ENPP4: variants seen among roughly 807,000 people sequenced by gnomAD.
ENPP4 encodes the protein bis(5'-adenosyl)-triphosphatase ENPP4.
A neutral mutation model predicts 33.4 loss-of-function variants in ENPP4; 18 were observed. That is an observed-to-expected ratio of 0.54 (90% CI 0.37 to 0.80). The LOEUF is 0.80. ENPP4 is among the 30% of genes least tolerant of loss of function. The pLI is 0.00. For synonymous variants in ENPP4, 172 were observed against 189.9 expected, an observed-to-expected ratio of 0.91 and a Z score of 0.78; for missense variants, 480 against 541.7, an observed-to-expected ratio of 0.89 and a Z score of 1.13.
chr6:46,141,227 GTATT>G lies in ENPP4; in HGVS notation c.997+8_997+11del, dbSNP rs753016739. On this transcript the variant is annotated splice_donor_region_variant and intron_variant, in intron 3 of 3. Coordinates refer to ENST00000321037, the MANE Select transcript of ENPP4 (RefSeq NM_014936.5). ...TAAATGAATCATCACAAAAATGTAAGTATTTAGTTGAGATATTTCTGTTGTATCC... is the reference window on the plus strand; with the variant it reads ...TAAATGAATCATCACAAAAATGTAAGTAGTTGAGATATTTCTGTTGTATCC... The G allele has an allele frequency of 7.1e-5, 113 of 1,601,380 alleles. No individual in the cohort carries two copies. Among genetic ancestry groups the G allele is most frequent in the Non-Finnish European group, 8.3e-5 (97 of 1,170,716 alleles).
chr6:46,139,805 C>T lies in ENPP4; in HGVS notation c.222C>T (p.His74=). ...TTATCACAAAAACATTTCCAAACCA[C>T]TACAGTATTGTGACAGGCTTGTATG... ...NVFITKTFPN[H]YSIVTGLYEE... Residue 74 remains histidine (H), a synonymous_variant, in exon 2 of 4, where the codon CAC becomes CAT. Coordinates refer to ENST00000321037, the MANE Select transcript of ENPP4 (RefSeq NM_014936.5). The T allele has an allele frequency of 6.2e-7, 1 of 1,612,354 alleles. No homozygotes were observed. Among genetic ancestry groups the T allele is most frequent in the Non-Finnish European group, 8.5e-7 (1 of 1,178,884 alleles).
rs1374571343 is a variant in ENPP4 at position 46,140,464 on chromosome 6, G to A, written c.826+55G>A. ...TTATTCGAATGGGGCAATTGATTGAGGGGGGTGGGTTGTATAAAAGAATGA... is the reference window on the plus strand; with the variant it reads ...TTATTCGAATGGGGCAATTGATTGAAGGGGGTGGGTTGTATAAAAGAATGA... On this transcript the variant is annotated intron_variant, in intron 2 of 3. Transcript: ENST00000321037. The A allele has an allele frequency of 5.8e-6, 6 of 1,035,980 alleles. No individual in the cohort carries two copies. In the East Asian group the frequency reaches 7.3e-5, roughly 13 times the overall value. 64.2% of individuals were successfully genotyped at this position (1,035,980 alleles called of 1,614,324 possible). A position where few individuals can be genotyped will look rare whatever the true frequency, so the allele number is the denominator to read the frequency against.
chr6:46,138,506 T>G (rs955633427), intron 1 of ENPP4, among the ~76,000 whole-genome samples: 2 of 151,816 alleles, frequency 1.3e-5, no homozygotes, highest in African/African-American at 4.8e-5. Flanking sequence ...TTTCAGACAT[T>G]CTTTCTGTTC....
In ENPP4 at chr6:46,141,225, A is replaced by C. The variant is rs763347182; in HGVS notation, c.997+3A>C. The C allele has an allele frequency of 1.2e-6, 2 of 1,603,610 alleles. No homozygotes were observed. Among genetic ancestry groups the C allele is most frequent in the Admixed American group, 1.7e-5 (1 of 59,390 alleles). On this transcript the variant is annotated splice_donor_region_variant and intron_variant, in intron 3 of 3. Coordinates refer to ENST00000321037, the MANE Select transcript of ENPP4 (RefSeq NM_014936.5). ...GCTAAATGAATCATCACAAAAATGT[A>C]AGTATTTAGTTGAGATATTTCTGTT...
intron 1 of ENPP4, among the ~76,000 whole-genome samples, chr6:46,130,435 G>T (rs561442858): frequency 3.3e-5 from 5 of 152,332 alleles, no homozygotes; most frequent in South Asian, 2.1e-4. Context: ...GCTGGGGAAG[G>T]CAACCTGTGG....
At chr6:46,133,892 T>C (rs745434530) in intron 1 of ENPP4, among the ~76,000 whole-genome samples, 43 of 152,178 alleles carry the variant, frequency 2.8e-4, no homozygotes, top group Non-Finnish European at 5.1e-4. Context: ...GTTCTGTTAA[T>C]AGTTTGGAGA....
rs770954842 is a variant in ENPP4, at chr6:46,139,718, A to T, written c.135A>T (p.Glu45Asp). 37 of 1,611,584 alleles carry T rather than the reference A, an allele frequency of 2.3e-5. No homozygotes were observed. In the Middle Eastern group the frequency reaches 6.6e-4, roughly 29 times the overall value. The change falls in exon 2 of 4, where the codon GAA (glutamate) becomes GAT (aspartate). Residue 45 changes from glutamate (E) to aspartate (D), a missense_variant. By Grantham distance (45) the Glu-to-Asp change is conservative. Coordinates refer to ENST00000321037, the MANE Select transcript of ENPP4 (RefSeq NM_014936.5). Reference protein sequence around the residue: ...GFRADYLKNYEFPHLQNFIKE... With the variant: ...GFRADYLKNYDFPHLQNFIKE... The stretch of plus-strand genomic sequence containing the variant: ...GAGCTGATTATCTGAAGAACTATGA[A>T]TTTCCTCATCTCCAGAATTTTATCA...
Position 46,140,003 on chromosome 6 carries a change from T to C in ENPP4, c.420T>C (p.Asp140=), listed in dbSNP as rs1413216962. 6.2e-7 allele frequency: 1 copy of C among 1,612,776 alleles called. No individual in the cohort carries two copies. Among genetic ancestry groups the C allele is most frequent in the South Asian group, 1.1e-5 (1 of 91,060 alleles). ...SSAAAMWPGT[D]VPIHDTISSY... ...CTGCTGCTATGTGGCCTGGTACTGA[T>C]GTACCCATTCACGATACCATCTCTT... Residue 140 remains aspartate, a synonymous_variant, in exon 2 of 4, where the codon GAT becomes GAC. Coordinates refer to ENST00000321037, the MANE Select transcript of ENPP4 (RefSeq NM_014936.5).
intron 1 of ENPP4, among the ~76,000 whole-genome samples, chr6:46,134,201 A>T (rs768420429): frequency 3.3e-5 from 5 of 152,110 alleles, no homozygotes; most frequent in African/African-American, 4.8e-5. Context: ...TTGAGGGCCT[A>T]TTCTGTAACC....
Position 46,140,050 on chromosome 6 carries a change from C to T in ENPP4, c.467C>T (p.Ser156Phe). Residue 156 changes from serine (S) to phenylalanine (F), a missense_variant, in exon 2 of 4, where the codon TCC becomes TTC. This residue lies in a region of ENPP4 where 227 missense variants were observed against 273.7 expected (regional missense o/e 0.83). Coordinates refer to ENST00000321037, the MANE Select transcript of ENPP4 (RefSeq NM_014936.5). ...TCTTCCTATTTTATGAATTACAACT[C>T]CTCAGTGTCATTTGAGGAAAGACTA... ...TISSYFMNYN[S>F]SVSFEERLNN... The T allele has an allele frequency of 1.2e-6, 2 of 1,612,560 alleles. No individual in the cohort carries two copies. Among genetic ancestry groups the T allele is most frequent in the Non-Finnish European group, 1.7e-6 (2 of 1,178,972 alleles).
intron 1 of ENPP4, among the ~76,000 whole-genome samples, chr6:46,136,251 T>G (rs1175566798): frequency 6.6e-6 from 1 of 152,046 alleles, no homozygotes; most frequent in Non-Finnish European, 1.5e-5. Flanking sequence ...GTTTTGATTA[T>G]TATATATTTG....
At position 46,144,145 on chromosome 6, in the gene ENPP4, TC is replaced by T. The variant is rs1366697892; in HGVS notation, c.*506del. ...TAATTAGTTTGTATCTCAAGTACCCTCTTGAGGTAGGAAATGCTCTGTGATG... is the reference window on the plus strand; with the variant it reads ...TAATTAGTTTGTATCTCAAGTACCCTTTGAGGTAGGAAATGCTCTGTGATG... On this transcript the variant is annotated 3_prime_UTR_variant, in exon 4 of 4. Transcript: ENST00000321037. 1.3e-5 allele frequency: 2 copies of T among 152,140 alleles called. No individual in the cohort carries two copies. Among genetic ancestry groups the T allele is most frequent in the African/African-American group, 4.8e-5 (2 of 41,436 alleles). 9.4% of individuals were successfully genotyped at this position (152,140 alleles called of 1,614,324 possible).
rs1764141764 is a variant in ENPP4, at chr6:46,146,523, A to G, written c.*2883A>G. 2 of 152,382 alleles carry G rather than the reference A, an allele frequency of 1.3e-5. No individual in the cohort carries two copies. Among genetic ancestry groups the G allele is most frequent in the Non-Finnish European group, 2.9e-5 (2 of 67,874 alleles). 9.4% of individuals were successfully genotyped at this position (152,382 alleles called of 1,614,324 possible). On this transcript the variant is annotated 3_prime_UTR_variant, in exon 4 of 4. Transcript: ENST00000321037. The stretch of plus-strand genomic sequence containing the variant: ...AATTCTTAAAATAGTGTGTAAATAA[A>G]ATAACATCAGTGTGCTTTAAAGAAA...
At chr6:46,130,853 A>G (rs1763884351) in intron 1 of ENPP4, among the ~76,000 whole-genome samples, 1 of 152,220 alleles carries the variant, frequency 6.6e-6, no homozygotes, top group Non-Finnish European at 1.5e-5. Flanking sequence ...TTGTACAACT[A>G]GTGACAGGCA....
intron 1 of ENPP4, among the ~76,000 whole-genome samples, chr6:46,131,073 TC>T (rs1472758307): frequency 2.0e-5 from 3 of 152,154 alleles, no homozygotes; most frequent in Admixed American, 6.5e-5. Context: ...TTGTGCGTCT[TC>T]CCCCCACCTC....
At position 46,143,300 on chromosome 6, in the gene ENPP4, C is replaced by T; in HGVS notation, c.1022C>T (p.Ser341Phe). ...QKLGDHGYDN[S>F]LPSMHPFLAA... is the part of the protein sequence containing the mutation. ...GTAGGTGACCATGGTTATGATAATT[C>T]TTTGCCTAGTATGCATCCATTTCTA... is the stretch of plus-strand genomic sequence containing the variant. The change falls in exon 4 of 4, where the codon TCT (serine) becomes TTT (phenylalanine). Residue 341 changes from serine to phenylalanine, a missense_variant. Ser to Phe is a radical substitution (Grantham distance 155). Around this residue, in one of 3 missense-constraint regions of ENPP4, gnomAD observed 249 missense variants for 251.8 expected, o/e 0.99. Coordinates refer to ENST00000321037, the MANE Select transcript of ENPP4 (RefSeq NM_014936.5). 1 of 1,589,306 alleles carries T rather than the reference C, an allele frequency of 6.3e-7. No individual in the cohort carries two copies. Among genetic ancestry groups the T allele is most frequent in the Non-Finnish European group, 8.6e-7 (1 of 1,163,168 alleles).
chr6:46,132,175 A>T (rs2127491592), intron 1 of ENPP4, among the ~76,000 whole-genome samples: 1 of 151,982 alleles, frequency 6.6e-6, no homozygotes, highest in South Asian at 2.1e-4. Context: ...CCCATTTGTC[A>T]ATTTTGGCTT....
intron 3 of ENPP4, 72 bp downstream of exon 3, chr6:46,141,294 G>C (rs1764059668): frequency 2.7e-6 from 3 of 1,117,678 alleles, no homozygotes; most frequent in Non-Finnish European, 3.9e-6. Context: ...GTTGTGTTAA[G>C]AGGGTACTTC....
intron 3 of ENPP4, among the ~76,000 whole-genome samples, chr6:46,141,490 A>G (rs1764062144): frequency 1.3e-5 from 2 of 151,690 alleles, no homozygotes. Context: ...TTCAAGATTC[A>G]TTCTCTTGAT....
Sources: allele counts gnomAD v4.1 joint callset (sites outside exome capture counted in the v4.1 genomes callset), GRCh38; gene constraint gnomAD v4.1.1; regional missense constraint gnomAD v4.1.1; transcripts MANE v1.5; gene names NCBI Gene and HGNC (gene_info 2026-07-23, HGNC 2026-07-21).